The following PDE3A variants were observed in gnomAD, a reference collection of about 807,000 sequenced individuals.
PDE3A encodes the protein cGMP-inhibited 3',5'-cyclic phosphodiesterase 3A.
In PDE3A, 43 loss-of-function variants were observed where a neutral mutation model predicts 98.3. The ratio of observed to expected loss-of-function variants is 0.44; its 90% confidence interval spans 0.34 to 0.56. The LOEUF (loss-of-function observed/expected upper bound fraction) is 0.56. PDE3A is among the 20% of genes least tolerant of loss of function. The pLI, the probability that PDE3A is intolerant of heterozygous loss-of-function variation, is 0.01. For missense variants in PDE3A, 1,427 were observed against 1,440.7 expected (o/e 0.99, Z 0.15); for synonymous variants, 663 against 567.9 (o/e 1.17, Z -2.38).
rs1437651589 is a variant in PDE3A at position 20,369,596 on chromosome 12, C to G, written c.312C>G (p.Ala104=). Residue 104 remains alanine (A), a synonymous_variant, in exon 1 of 16, where the codon GCC becomes GCG. Transcript: ENST00000359062. The stretch of plus-strand genomic sequence containing the variant: ...CGGCGGCGGAGGAGGAGGAAGCAGC[C>G]CCGGGAGCAGAAGGGGGCGTCTTCC... The part of the protein sequence containing the change: ...EAAAAEEEEA[A]PGAEGGVFPG... The G allele has an allele frequency of 5.8e-6, 9 of 1,563,984 alleles. No homozygotes were observed. Among genetic ancestry groups the G allele is most frequent in the East Asian group, 2.4e-5 (1 of 42,380 alleles).
At chr12:20,650,229 T>G (rs1289057629) in intron 13 of PDE3A, among the ~76,000 whole-genome samples, 1 of 144,182 alleles carries the variant, frequency 6.9e-6, no homozygotes, top group Non-Finnish European at 1.6e-5. Context: ...ATTATTATAA[T>G]TTTATCCATA....
intron 2 of PDE3A, among the ~76,000 whole-genome samples, chr12:20,586,959 G>C (rs975714229): frequency 6.6e-6 from 1 of 152,058 alleles, no homozygotes; most frequent in African/African-American, 2.4e-5. Flanking sequence ...CTTTTAATGA[G>C]GCCATTTTAC....
chr12:20,501,588 G>A (rs1302377366), intron 1 of PDE3A, among the ~76,000 whole-genome samples: 1 of 152,198 alleles, frequency 6.6e-6, no homozygotes, highest in East Asian at 1.9e-4. Context: ...TTCGTAGAGC[G>A]AGGTAGTTAA....
intron 1 of PDE3A, among the ~76,000 whole-genome samples, chr12:20,482,619 G>C (rs1009036191): frequency 6.6e-6 from 1 of 152,208 alleles, no homozygotes; most frequent in Non-Finnish European, 1.5e-5. Flanking sequence ...GACTGTTTTA[G>C]AGATAAGCAC....
At chr12:20,499,876 C>T (rs1945990841) in intron 1 of PDE3A, among the ~76,000 whole-genome samples, 1 of 152,228 alleles carries the variant, frequency 6.6e-6, no homozygotes, top group East Asian at 1.9e-4. Flanking sequence ...GGCATTTTAG[C>T]TGTACGCTTG....
At position 20,552,473 on chromosome 12, in the gene PDE3A, T is replaced by C. The variant is rs1942238889; in HGVS notation, c.961-4187T>C. The stretch of plus-strand genomic sequence containing the variant: ...TATCCAGAAGGCTACCTGGAAGCCC[T>C]GGCCAACCGAGAGCGAGAGAAGGAG... On this transcript the variant is annotated intron_variant, in intron 1 of 15. Transcript: ENST00000359062. This position sits in a 1 kb window ranked among gnomAD's most constrained non-coding sequence, Gnocchi z 5.1. 1.9e-6 allele frequency: 3 copies of C among 1,612,518 alleles called. No individual in the cohort carries two copies. The highest frequency in any genetic ancestry group is 3.3e-5 in the Admixed American group (2 of 59,916).
intron 1 of PDE3A, among the ~76,000 whole-genome samples, chr12:20,414,674 A>G (rs1024358145): frequency 6.6e-6 from 1 of 152,214 alleles, no homozygotes; most frequent in African/African-American, 2.4e-5. Flanking sequence ...AACAGATAAT[A>G]TTTGCTGAAT....
At chr12:20,673,942 C>A (rs994838121) in intron 15 of PDE3A, among the ~76,000 whole-genome samples, 2 of 152,108 alleles carry the variant, frequency 1.3e-5, no homozygotes, top group African/African-American at 2.4e-5. Context: ...AATATTAATA[C>A]TTCAGATCCA....
chr12:20,670,650 G>T (rs12305299), intron 15 of PDE3A, among the ~76,000 whole-genome samples: 4 of 144,280 alleles, frequency 2.8e-5, no homozygotes, highest in Middle Eastern at 3.6e-3. Flanking sequence ...TTGAAACCAA[G>T]GAGAACAAAG....
At chr12:20,560,206 G>A (rs1372252944) in intron 2 of PDE3A, among the ~76,000 whole-genome samples, 5 of 152,098 alleles carry the variant, frequency 3.3e-5, no homozygotes, top group African/African-American at 9.7e-5. Flanking sequence ...AATCATACAG[G>A]AGATAATTGA....
chr12:20,484,447 A>T (rs1440433732), intron 1 of PDE3A, among the ~76,000 whole-genome samples: 1 of 152,100 alleles, frequency 6.6e-6, no homozygotes, highest in Non-Finnish European at 1.5e-5. Flanking sequence ...ACAATTTCTC[A>T]TCATATTGGG....
intron 1 of PDE3A, among the ~76,000 whole-genome samples, chr12:20,531,527 A>G (rs1351202156): frequency 6.6e-6 from 1 of 152,100 alleles, no homozygotes; most frequent in Non-Finnish European, 1.5e-5. Flanking sequence ...TAAAATCCTT[A>G]CTAGATGGGT....
At chr12:20,652,428 C>G (rs986245601) in intron 14 of PDE3A, among the ~76,000 whole-genome samples, 1 of 152,114 alleles carries the variant, frequency 6.6e-6, no homozygotes, top group Non-Finnish European at 1.5e-5. Context: ...TCTCCAGCAC[C>G]TGTTGTTTCC....
At chr12:20,590,881 C>T (rs1196629356) in intron 2 of PDE3A, among the ~76,000 whole-genome samples, 1 of 152,114 alleles carries the variant, frequency 6.6e-6, no homozygotes, top group Non-Finnish European at 1.5e-5. Flanking sequence ...CATGTTTCTC[C>T]AAGAATAAAC....
intron 15 of PDE3A, among the ~76,000 whole-genome samples, chr12:20,678,905 G>T (rs1195306913): frequency 6.6e-6 from 1 of 152,056 alleles, no homozygotes; most frequent in Non-Finnish European, 1.5e-5. Flanking sequence ...TGAAGGAAGG[G>T]GGAAAAGTTC....
At chr12:20,628,149 A>G (rs1050698057) in intron 5 of PDE3A, among the ~76,000 whole-genome samples, 1 of 152,216 alleles carries the variant, frequency 6.6e-6, no homozygotes, top group African/African-American at 2.4e-5. Context: ...AGTTTTTTCT[A>G]GAGTTTCCAA....
intron 1 of PDE3A, among the ~76,000 whole-genome samples, chr12:20,525,475 G>A (rs1468547934): frequency 6.8e-6 from 1 of 146,502 alleles, no homozygotes; most frequent in Non-Finnish European, 1.5e-5. Flanking sequence ...GTTGGGGGGG[G>A]GGGCTTTTGA....
At chr12:20,440,511 A>G (rs1226927863) in intron 1 of PDE3A, among the ~76,000 whole-genome samples, 1 of 152,142 alleles carries the variant, frequency 6.6e-6, no homozygotes, top group Admixed American at 6.6e-5. Context: ...CAATGATCAA[A>G]CTACAGGGGC....
At position 20,684,604 on chromosome 12, in the gene PDE3A, T is replaced by C. The variant is rs900279759; in HGVS notation, c.*4333T>C. On this transcript the variant is annotated 3_prime_UTR_variant, in exon 16 of 16. Transcript: ENST00000359062. The stretch of plus-strand genomic sequence containing the variant: ...CAAGCAGCAACACATTTTATGACCA[T>C]TGTCCTAGGTCGTTTGTGTCTTTAT... 2.0e-5 allele frequency among the ~76,000 whole-genome samples: 3 copies of C among 152,212 alleles called. No individual in the cohort carries two copies. The highest frequency in any genetic ancestry group is 7.2e-5 in the African/African-American group (3 of 41,460).
Sources: gnomAD v4.1 joint callset for allele counts (sites outside exome capture counted in the v4.1 genomes callset) on GRCh38, gnomAD v4.1.1 for gene constraint, Gnocchi (gnomAD v3.1) non-coding constraint, MANE v1.5 for transcripts, NCBI Gene and HGNC (gene_info 2026-07-23, HGNC 2026-07-21) for gene names.